The following PPP3CA variants were observed in gnomAD, a reference collection of about 807,000 sequenced individuals.
PPP3CA encodes the protein CAM-PRP catalytic subunit.
A neutral mutation model predicts 66.5 loss-of-function variants in PPP3CA; 14 were observed. The ratio of observed to expected loss-of-function variants is 0.21; its 90% confidence interval spans 0.14 to 0.33. The LOEUF is 0.33. Ranked by LOEUF, PPP3CA falls within the 10% of genes least tolerant of loss-of-function variation. The probability of loss-of-function intolerance (pLI) is 1.00; values close to 1 mark genes in which losing one functional copy is unlikely to be tolerated. For synonymous variants in PPP3CA, 232 were observed against 226.2 expected, an observed-to-expected ratio of 1.03 and a Z score of -0.23; for missense variants, 317 against 639.5, an observed-to-expected ratio of 0.50 and a Z score of 5.44.
chr4:101,165,269 G>C (rs762614004), intron 2 of PPP3CA, among the ~76,000 whole-genome samples: 28 of 152,236 alleles, frequency 1.8e-4, no homozygotes, highest in Non-Finnish European at 3.5e-4. Context: ...ATAATCAAAC[G>C]AAGACAGACA....
At chr4:101,148,626 T>C (rs1723041767) in intron 2 of PPP3CA, among the ~76,000 whole-genome samples, 1 of 152,130 alleles carries the variant, frequency 6.6e-6, no homozygotes, top group Admixed American at 6.5e-5. Flanking sequence ...TATTTTAAAG[T>C]AACAAGAAAG....
At chr4:101,318,701 T>A (rs1728952714) in intron 1 of PPP3CA, among the ~76,000 whole-genome samples, 1 of 152,158 alleles carries the variant, frequency 6.6e-6, no homozygotes, top group Admixed American at 6.5e-5. Flanking sequence ...CATTTGTACC[T>A]AAGGAAGAGA....
chr4:101,197,508 A>T (rs1010796479), intron 1 of PPP3CA, among the ~76,000 whole-genome samples: 3 of 152,154 alleles, frequency 2.0e-5, no homozygotes, highest in Admixed American at 6.6e-5. Context: ...CTGCACACTC[A>T]CCAGCTTATG....
intron 1 of PPP3CA, among the ~76,000 whole-genome samples, chr4:101,325,059 T>C (rs1171400742): frequency 6.6e-6 from 1 of 152,160 alleles, no homozygotes; most frequent in Non-Finnish European, 1.5e-5. Context: ...TTAGAGAATC[T>C]AATTTTTTTT....
chr4:101,322,548 T>C (rs1729074004), intron 1 of PPP3CA, among the ~76,000 whole-genome samples: 2 of 151,908 alleles, frequency 1.3e-5, no homozygotes, highest in Non-Finnish European at 2.9e-5. Flanking sequence ...GTAGCTGGGA[T>C]TACAGATGTG....
chr4:101,098,926 T>C (rs1045702803), intron 4 of PPP3CA, among the ~76,000 whole-genome samples: 4 of 152,196 alleles, frequency 2.6e-5, no homozygotes, highest in African/African-American at 4.8e-5. Context: ...TGTTTCTATC[T>C]TACTGCACAT....
chr4:101,186,238 C>A (rs909427704), intron 2 of PPP3CA, among the ~76,000 whole-genome samples: 2 of 151,984 alleles, frequency 1.3e-5, no homozygotes, highest in African/African-American at 4.8e-5. Flanking sequence ...CGAAATACCC[C>A]CAAATAGTTT....
At chr4:101,288,526 AGGAGAAG>A (rs2110286063) in intron 1 of PPP3CA, among the ~76,000 whole-genome samples, 1 of 140,352 alleles carries the variant, frequency 7.1e-6, no homozygotes, top group South Asian at 2.5e-4. Flanking sequence ...AGGAGAGGGG[AGGAGAAG>A]GGAGAAGGGA....
At chr4:101,201,648 C>G (rs1180246217) in intron 1 of PPP3CA, among the ~76,000 whole-genome samples, 2 of 152,208 alleles carry the variant, frequency 1.3e-5, no homozygotes, top group Non-Finnish European at 2.9e-5. Context: ...AGGACATGTA[C>G]AGGAACAGCT....
At chr4:101,098,979 T>A (rs1730323395) in intron 4 of PPP3CA, among the ~76,000 whole-genome samples, 1 of 152,164 alleles carries the variant, frequency 6.6e-6, no homozygotes, top group Non-Finnish European at 1.5e-5. Context: ...AGAGGAGAAG[T>A]CTTTATGCTC....
chr4:101,224,308 C>T (rs1725714964), intron 1 of PPP3CA, among the ~76,000 whole-genome samples: 1 of 151,688 alleles, frequency 6.6e-6, no homozygotes, highest in Non-Finnish European at 1.5e-5. Context: ...ATGCTTTTGG[C>T]TTTTTAGGTC....
intron 2 of PPP3CA, among the ~76,000 whole-genome samples, chr4:101,165,436 A>G (rs1723663457): frequency 6.6e-6 from 1 of 151,082 alleles, no homozygotes; most frequent in African/African-American, 2.4e-5. Context: ...ACAGATTCAG[A>G]CAGACACAAA....
intron 1 of PPP3CA, among the ~76,000 whole-genome samples, chr4:101,294,184 A>G (rs935676310): frequency 1.3e-5 from 2 of 152,262 alleles, no homozygotes; most frequent in African/African-American, 4.8e-5. Context: ...AATCACTTAT[A>G]TAATAAGAAT....
intron 1 of PPP3CA, among the ~76,000 whole-genome samples, chr4:101,267,272 A>G (rs551105650): frequency 2.0e-5 from 3 of 152,346 alleles, no homozygotes; most frequent in African/African-American, 7.2e-5. Flanking sequence ...ATAAAATTCA[A>G]TTTCCACAGA....
intron 1 of PPP3CA, among the ~76,000 whole-genome samples, chr4:101,240,071 T>C (rs1472254230): frequency 1.3e-5 from 2 of 151,354 alleles, no homozygotes; most frequent in African/African-American, 4.9e-5. Flanking sequence ...AGGTAGATAG[T>C]TACTGGAACA....
chr4:101,317,244 G>A (rs1462175780), intron 1 of PPP3CA, among the ~76,000 whole-genome samples: 1 of 123,904 alleles, frequency 8.1e-6, no homozygotes, highest in South Asian at 2.4e-4. Flanking sequence ...CCCTTAACTC[G>A]GTACTCCCAA....
At chr4:101,346,590 C>G (rs1167558818) in intron 1 of PPP3CA, 149 bp downstream of exon 1, 1 of 647,030 alleles carries the variant, frequency 1.5e-6, no homozygotes, top group Admixed American at 3.5e-5. Context: ...TCGCGGGGTT[C>G]GCGGGTTGCA....
chr4:101,251,221 C>A (rs1316577886), intron 1 of PPP3CA, among the ~76,000 whole-genome samples: 1 of 151,878 alleles, frequency 6.6e-6, no homozygotes, highest in Non-Finnish European at 1.5e-5. Flanking sequence ...GAGAGCTGAA[C>A]AAAGTCCCTT....
chr4:101,036,278 T>C (rs549986117), intron 11 of PPP3CA, among the ~76,000 whole-genome samples: 1 of 152,234 alleles, frequency 6.6e-6, no homozygotes, highest in Non-Finnish European at 1.5e-5. Flanking sequence ...TTATTTCTAT[T>C]GGAAAGCAAT....
Sources: allele counts gnomAD v4.1 joint callset (sites outside exome capture counted in the v4.1 genomes callset), GRCh38; gene constraint gnomAD v4.1.1; transcripts MANE v1.5; gene names NCBI Gene and HGNC (gene_info 2026-07-23, HGNC 2026-07-21).